Variants in PDPN observed in about 807,000 individuals in gnomAD.
PDPN encodes the protein podoplanin.
Under a neutral mutation model 23.2 loss-of-function variants are expected in PDPN, and 12 were observed. The observed-to-expected ratio is 0.52, with a 90% CI of 0.33 to 0.84. The LOEUF is 0.84. Ranked by LOEUF, PDPN falls within the 40% of genes least tolerant of loss-of-function variation. PDPN has a pLI of 0.02. For missense variants in PDPN, 199 were observed against 212.2 expected (o/e 0.94, Z 0.39); for synonymous variants, 77 against 76.7 (o/e 1.00, Z -0.02).
rs1423678029 is a variant in PDPN, at chr1:13,584,173, G to A, written c.67+73G>A. On this transcript the variant is annotated intron_variant, in intron 1 of 5. Coordinates refer to ENST00000621990, the MANE Select transcript of PDPN (RefSeq NM_006474.5). The stretch of plus-strand genomic sequence containing the variant: ...CGAGCAGAGACTTGCTGGAATGCCC[G>A]GGCCTGGTATTCGAGGTTGTCCAGG... 9 of 1,562,642 alleles carry A rather than the reference G, an allele frequency of 5.8e-6. No individual in the cohort carries two copies. In the African/African-American group the frequency reaches 6.8e-5, roughly 12 times the overall value.
chr1:13,585,100 T>C (rs1029661478), intron 1 of PDPN, among the ~76,000 whole-genome samples: 2 of 152,192 alleles, frequency 1.3e-5, no homozygotes, highest in African/African-American at 2.4e-5. Context: ...TAAATGTTGG[T>C]TGAAGGAATT....
chr1:13,600,249 G>A (rs1478481725), intron 1 of PDPN, among the ~76,000 whole-genome samples: 3 of 152,176 alleles, frequency 2.0e-5, no homozygotes, highest in African/African-American at 7.2e-5. Flanking sequence ...AAGCTGCCGG[G>A]AGAGCACATC....
In PDPN at chr1:13,610,497, G is replaced by A. The variant is rs1477454709; in HGVS notation, c.312G>A (p.Val104=). Residue 104 remains valine, a synonymous_variant, in exon 3 of 6, where the codon GTG becomes GTA. Coordinates refer to ENST00000621990, the MANE Select transcript of PDPN (RefSeq NM_006474.5). ...EQSPSATASN[V]ATSHSTEKVD... Reference sequence around the variant, plus strand: ...GTCCAAGCGCCACAGCCTCAAACGTGGCCACCAGTCACTCCACGGGTAAGA... The same window carrying A: ...GTCCAAGCGCCACAGCCTCAAACGTAGCCACCAGTCACTCCACGGGTAAGA... 6.2e-7 allele frequency: 1 copy of A among 1,613,758 alleles called. No individual in the cohort carries two copies. Among genetic ancestry groups the A allele is most frequent in the Admixed American group, 1.7e-5 (1 of 59,994 alleles).
chr1:13,583,841 G>A lies in PDPN; in HGVS notation c.-193G>A, dbSNP rs765819037. On this transcript the variant is annotated 5_prime_UTR_variant, in exon 1 of 6. Coordinates refer to ENST00000621990, the MANE Select transcript of PDPN (RefSeq NM_006474.5). Reference sequence around the variant, plus strand: ...CGCTCGGAAAGTTCTCAACTGCAAAGTTTGCTGTCCGGCTGCCTAGGGTCT... The same window carrying A: ...CGCTCGGAAAGTTCTCAACTGCAAAATTTGCTGTCCGGCTGCCTAGGGTCT... The A allele has an allele frequency of 6.3e-7, 1 of 1,576,174 alleles. No individual in the cohort carries two copies. The highest frequency in any genetic ancestry group is 8.6e-7 in the Non-Finnish European group (1 of 1,162,076).
intron 1 of PDPN, chr1:13,585,394 C>T (rs1640149179): frequency 1.1e-6 from 1 of 871,802 alleles, no homozygotes; most frequent in Non-Finnish European, 1.5e-6. Flanking sequence ...TTATTCGTAG[C>T]AGTCCTATCT....
At chr1:13,613,543 C>T (rs1235705689) in intron 3 of PDPN, 144 bp from the exon 4 acceptor site, 1 of 628,604 alleles carries the variant, frequency 1.6e-6, no homozygotes, top group Non-Finnish European at 2.8e-6. Flanking sequence ...GTTTAAAAAT[C>T]CCTGGATCCA....
chr1:13,606,950 T>C (rs1640803525), intron 1 of PDPN, among the ~76,000 whole-genome samples: 1 of 152,208 alleles, frequency 6.6e-6, no homozygotes, highest in Admixed American at 6.5e-5. Context: ...ATGTTTTCAT[T>C]TTCCTTTGCT....
rs951472274 is a variant in PDPN, at chr1:13,617,843, C to G, written c.*1932C>G. The G allele has an allele frequency of 2.0e-5, 3 of 152,206 alleles. No individual in the cohort carries two copies. The highest frequency in any genetic ancestry group is 7.2e-5 in the African/African-American group (3 of 41,418). The allele number at this position is 152,206 out of a possible 1,614,324, so 9.4% of individuals were successfully genotyped here. On this transcript the variant is annotated 3_prime_UTR_variant, in exon 6 of 6. Transcript: ENST00000621990. ...TGAAAAATAACAGTCCACCCCAAGT[C>G]ATACACTGGACCCAGTGCCTGCGGG...
chr1:13,616,002 G>A lies in PDPN; in HGVS notation c.*91G>A. ...TGTCCCTGAGCTCGTGGGAGAAGATGACCCGTGGAACACTTGCCTGGCCCA... is the reference window on the plus strand; with the variant it reads ...TGTCCCTGAGCTCGTGGGAGAAGATAACCCGTGGAACACTTGCCTGGCCCA... On this transcript the variant is annotated 3_prime_UTR_variant, in exon 6 of 6. Coordinates refer to ENST00000621990, the MANE Select transcript of PDPN (RefSeq NM_006474.5). 8.0e-7 allele frequency: 1 copy of A among 1,253,730 alleles called. No individual in the cohort carries two copies. Among genetic ancestry groups the A allele is most frequent in the East Asian group, 2.3e-5 (1 of 43,222 alleles). 77.7% of individuals were successfully genotyped at this position (1,253,730 alleles called of 1,614,324 possible).
intron 1 of PDPN, among the ~76,000 whole-genome samples, chr1:13,599,633 C>T (rs920004221): frequency 3.3e-5 from 5 of 151,810 alleles, no homozygotes; most frequent in Admixed American, 1.3e-4. Flanking sequence ...ATCCGTCTAC[C>T]TTGGCCTCCC....
chr1:13,584,866 C>T (rs1339351544), intron 1 of PDPN, among the ~76,000 whole-genome samples: 1 of 152,152 alleles, frequency 6.6e-6, no homozygotes, highest in Non-Finnish European at 1.5e-5. Context: ...GGGGTGGGGG[C>T]GTCCACAGCT....
At chr1:13,593,979 C>G (rs1640423260) in intron 1 of PDPN, among the ~76,000 whole-genome samples, 1 of 152,178 alleles carries the variant, frequency 6.6e-6, no homozygotes, top group Non-Finnish European at 1.5e-5. Flanking sequence ...CTGCTTTGGT[C>G]AAGAGAAAAA....
chr1:13,594,857 T>C (rs1447580849), intron 1 of PDPN, among the ~76,000 whole-genome samples: 1 of 150,972 alleles, frequency 6.6e-6, no homozygotes, highest in East Asian at 1.9e-4. Context: ...TAGCCGGGTG[T>C]GGTGGCGGGC....
intron 3 of PDPN, among the ~76,000 whole-genome samples, chr1:13,611,893 A>G (rs1292757082): frequency 6.6e-6 from 1 of 152,210 alleles, no homozygotes; most frequent in Non-Finnish European, 1.5e-5. Flanking sequence ...TAATCAATAT[A>G]AATGATCATT....
chr1:13,613,870 CTT>C (rs34784418), intron 4 of PDPN, 145 bp downstream of exon 4: 25,677 of 216,952 alleles, frequency 0.12, 19 homozygotes, highest in South Asian at 0.19. Context: ...AGATTTCAAG[CTT>C]TTTTTTTTTT....
Position 13,615,406 on chromosome 1 carries a change from C to T in PDPN, c.483-499C>T, listed in dbSNP as rs141250337. On this transcript the variant is annotated intron_variant, in intron 5 of 5. Coordinates refer to ENST00000621990, the MANE Select transcript of PDPN (RefSeq NM_006474.5). ...GTTCAAGCGATTCCCCTGCCTCCGCCTCTCAAGTAGCTGGGACTACAGGCA... is the reference window on the plus strand; with the variant it reads ...GTTCAAGCGATTCCCCTGCCTCCGCTTCTCAAGTAGCTGGGACTACAGGCA... Among the ~76,000 whole-genome samples the T allele has an allele frequency of 7.2e-3, 1,093 of 152,032 alleles. 11 individuals are homozygous for T. The highest frequency in any genetic ancestry group is 0.024 in the African/African-American group (1,009 of 41,444).
At chr1:13,591,521 C>T (rs1312816932) in intron 1 of PDPN, among the ~76,000 whole-genome samples, 1 of 152,166 alleles carries the variant, frequency 6.6e-6, no homozygotes, top group Admixed American at 6.5e-5. Flanking sequence ...TTTCCTCCTC[C>T]CCCTAGACCC....
At chr1:13,611,058 G>A (rs1164222506) in intron 3 of PDPN, among the ~76,000 whole-genome samples, 2 of 151,912 alleles carry the variant, frequency 1.3e-5, no homozygotes, top group South Asian at 2.1e-4. Context: ...CGTCTCTACT[G>A]AAAATACTAA....
At chr1:13,609,223 C>T (rs1640872703) in intron 2 of PDPN, among the ~76,000 whole-genome samples, 1 of 152,126 alleles carries the variant, frequency 6.6e-6, no homozygotes, top group Non-Finnish European at 1.5e-5. Flanking sequence ...CTAGTCTAGT[C>T]TAGACAAGGC....
Sources: gnomAD v4.1 joint callset for allele counts (sites outside exome capture counted in the v4.1 genomes callset) on GRCh38, gnomAD v4.1.1 for gene constraint, MANE v1.5 for transcripts, NCBI Gene and HGNC (gene_info 2026-07-23, HGNC 2026-07-21) for gene names.